MAP3K14: variants seen among roughly 807,000 people sequenced by gnomAD.
MAP3K14 encodes mitogen-activated protein kinase kinase kinase 14.
A neutral mutation model predicts 99.2 loss-of-function variants in MAP3K14; 16 were observed. The observed-to-expected ratio is 0.16, with a 90% CI of 0.11 to 0.24. MAP3K14 has a LOEUF of 0.24. MAP3K14 is among the 10% of genes least tolerant of loss of function. The pLI is 1.00. For synonymous variants in MAP3K14, 462 were observed against 492.4 expected (o/e 0.94, Z 0.82); for missense variants, 784 against 1,208.7 (o/e 0.65, Z 5.21).
At chr17:45,269,920 C>T (rs1379795989) in intron 11 of MAP3K14, among the ~76,000 whole-genome samples, 1 of 152,204 alleles carries the variant, frequency 6.6e-6, no homozygotes, top group Admixed American at 6.5e-5. Context: ...TGACTTATAG[C>T]CAGTTGGTCA....
rs1309466208 is a variant in MAP3K14, at chr17:45,273,541, C to G, written c.1619G>C (p.Cys540Ser). The G allele has an allele frequency of 1.2e-6, 2 of 1,613,326 alleles. No individual in the cohort carries two copies. The highest frequency in any genetic ancestry group is 3.3e-5 in the Admixed American group (2 of 59,936). Residue 540 changes from cysteine (C) to serine (S), a missense_variant, in exon 9 of 16, where the codon TGT (cysteine) becomes TCT (serine). Around this residue, in one of 5 missense-constraint regions of MAP3K14, gnomAD observed 200 missense variants for 367.9 expected, o/e 0.54. Coordinates refer to ENST00000344686, the MANE Select transcript of MAP3K14 (RefSeq NM_003954.5). ...CTTTCCCAGGCCATCAGGTTGAAGA[C>G]ACACAGCATGGCCAAAGTCACAGAG... ...AALCDFGHAV[C>S]LQPDGLGKSL...
At chr17:45,283,029 T>C (rs2044235672) in intron 6 of MAP3K14, among the ~76,000 whole-genome samples, 1 of 152,202 alleles carries the variant, frequency 6.6e-6, no homozygotes, top group African/African-American at 2.4e-5. Context: ...GCCTTGTGCT[T>C]GGAGCTTTTC....
chr17:45,307,688 G>A (rs916185527), intron 1 of MAP3K14, among the ~76,000 whole-genome samples: 6 of 152,170 alleles, frequency 3.9e-5, no homozygotes, highest in African/African-American at 4.8e-5. Context: ...TTCAAGCAGC[G>A]TCTACCTGTG....
intron 8 of MAP3K14, 53 bp downstream of exon 8, chr17:45,274,070 T>A (rs1234557454): frequency 6.3e-7 from 1 of 1,588,232 alleles, no homozygotes; most frequent in Non-Finnish European, 8.6e-7. Context: ...TCAGACAGGA[T>A]GGTGTGAGAG....
chr17:45,316,356 C>A (rs2044532491), intron 1 of MAP3K14, among the ~76,000 whole-genome samples: 1 of 152,204 alleles, frequency 6.6e-6, no homozygotes, highest in African/African-American at 2.4e-5. Flanking sequence ...TTTGAACCGA[C>A]AGATAAAGTC....
At chr17:45,265,102 G>T in intron 15 of MAP3K14, 61 bp downstream of exon 15, 1 of 1,335,624 alleles carries the variant, frequency 7.5e-7, no homozygotes, top group Non-Finnish European at 1.1e-6. Flanking sequence ...CTCCTGGAGG[G>T]TGGGGCCAGC....
chr17:45,275,328 T>G (rs1326823628), intron 6 of MAP3K14, among the ~76,000 whole-genome samples: 1 of 150,354 alleles, frequency 6.7e-6, no homozygotes, highest in Non-Finnish European at 1.5e-5. Context: ...ATTAGCTGGG[T>G]GTGGTGGCAC....
chr17:45,310,567 T>G (rs1470154717), intron 1 of MAP3K14, among the ~76,000 whole-genome samples: 1 of 152,168 alleles, frequency 6.6e-6, no homozygotes, highest in East Asian at 1.9e-4. Context: ...ACATCATGCT[T>G]CACCCACAAG....
In MAP3K14 at chr17:45,286,380, C is replaced by A. The variant is rs900967097; in HGVS notation, c.1152+51G>T. 4 of 1,504,044 alleles carry A rather than the reference C, an allele frequency of 2.7e-6. No homozygotes were observed. In the African/African-American group the frequency reaches 4.2e-5, roughly 16 times the overall value. The allele number at this position is 1,504,044 out of a possible 1,614,324, so 93.2% of individuals were successfully genotyped here. The stretch of plus-strand genomic sequence containing the variant: ...GACTCTGATAAAGAGAGAAAAGCAT[C>A]CCCCAGGTTGCTGGTAGAGGGACAT... On this transcript the variant is annotated intron_variant, in intron 5 of 15. Transcript: ENST00000344686. The surrounding 1 kb of genome is among the most constrained non-coding windows in gnomAD (Gnocchi z 4.1).
chr17:45,300,210 C>T (rs906219791), intron 1 of MAP3K14, among the ~76,000 whole-genome samples: 4 of 152,178 alleles, frequency 2.6e-5, no homozygotes, highest in Non-Finnish European at 5.9e-5. Flanking sequence ...GATGGCTGGC[C>T]GGCCCTAGCC....
chr17:45,269,358 C>T (rs2044124457), intron 11 of MAP3K14, among the ~76,000 whole-genome samples: 1 of 152,132 alleles, frequency 6.6e-6, no homozygotes, highest in South Asian at 2.1e-4. Context: ...TGAGCCCCCT[C>T]TATACATCAT....
rs765627329 is a variant in MAP3K14 at position 45,266,655 on chromosome 17, C to T, written c.2460G>A (p.Ser820=). The change falls in exon 14 of 16, where the codon TCG becomes TCA. Residue 820 remains serine, a synonymous_variant. Transcript: ENST00000344686. ...GTACGCCTGAGCTCAGGGTGTCCCG[C>T]GAGCTTTGAGAGGCCTTTGATGGGT... ...EKNPSKASQS[S]RDTLSSGVHS... 16 of 1,612,364 alleles carry T rather than the reference C, an allele frequency of 9.9e-6. No homozygotes were observed. Among genetic ancestry groups the T allele is most frequent in the South Asian group, 4.4e-5 (4 of 91,038 alleles).
rs143313926 is a variant in MAP3K14 at position 45,290,632 on chromosome 17, G to T, written c.114C>A (p.Ser38=). The T allele has an allele frequency of 1.2e-6, 2 of 1,613,530 alleles. No homozygotes were observed. The highest frequency in any genetic ancestry group is 2.2e-5 in the South Asian group (2 of 91,068). ...TCTCCACGGCCTCAAGCTTGTAGAC[G>T]GAGCTCTGTTTCTTCCCCAGTGGCG... is the stretch of plus-strand genomic sequence containing the variant. ...KTPPLGKKQS[S]VYKLEAVEKS... is the part of the protein sequence containing the mutation. The change falls in exon 2 of 16, where the codon TCC becomes TCA. Residue 38 remains serine (S), a synonymous_variant. Coordinates refer to ENST00000344686, the MANE Select transcript of MAP3K14 (RefSeq NM_003954.5).
At chr17:45,302,022 G>A (rs939454789) in intron 1 of MAP3K14, among the ~76,000 whole-genome samples, 1 of 151,876 alleles carries the variant, frequency 6.6e-6, no homozygotes, top group South Asian at 2.1e-4. Context: ...GTAGAGACAG[G>A]GTTTTGCCAT....
At chr17:45,266,214 T>G in intron 14 of MAP3K14, 1 of 265,676 alleles carries the variant, frequency 3.8e-6, no homozygotes, top group Non-Finnish European at 7.1e-6. Flanking sequence ...CCTTTTCCCT[T>G]TAGAAGAGAT....
chr17:45,315,561 C>G (rs1009161227), intron 1 of MAP3K14, among the ~76,000 whole-genome samples: 1 of 152,120 alleles, frequency 6.6e-6, no homozygotes, highest in African/African-American at 2.4e-5. Context: ...TAAAAAACAC[C>G]AAGAGTAAAT....
intron 1 of MAP3K14, among the ~76,000 whole-genome samples, chr17:45,292,950 A>G (rs2044321986): frequency 6.6e-6 from 1 of 152,126 alleles, no homozygotes. Context: ...TCTTTAGGCT[A>G]TGATGCCCAC....
chr17:45,267,003 A>G lies in MAP3K14; in HGVS notation c.2433+89T>C, dbSNP rs2044091841. 4.0e-6 allele frequency: 4 copies of G among 996,270 alleles called. No individual in the cohort carries two copies. The highest frequency in any genetic ancestry group is 6.2e-6 in the Non-Finnish European group (4 of 650,002). The allele number at this position is 996,270 out of a possible 1,614,324, so 61.7% of individuals were successfully genotyped here. A position where few individuals can be genotyped will look rare whatever the true frequency, so the allele number is the denominator to read the frequency against. The stretch of plus-strand genomic sequence containing the variant: ...CCCACTACTTGCACAGTGTCCATTC[A>G]CTAGCTGGACGCAAAGCTACTTGCT... On this transcript the variant is annotated intron_variant, in intron 13 of 15. Transcript: ENST00000344686. This position sits in a 1 kb window ranked among gnomAD's most constrained non-coding sequence, Gnocchi z 5.1.
intron 1 of MAP3K14, among the ~76,000 whole-genome samples, chr17:45,293,482 T>C (rs1438796909): frequency 1.3e-5 from 2 of 152,212 alleles, no homozygotes; most frequent in Non-Finnish European, 2.9e-5. Context: ...AAGTGGAAGC[T>C]GAGGCTGAGG....
Sources: gnomAD v4.1 joint callset for allele counts (sites outside exome capture counted in the v4.1 genomes callset) on GRCh38, gnomAD v4.1.1 for gene constraint, gnomAD v4.1.1 regional missense constraint, Gnocchi (gnomAD v3.1) non-coding constraint, MANE v1.5 for transcripts, NCBI Gene and HGNC (gene_info 2026-07-23, HGNC 2026-07-21) for gene names.